The following SLC2A13 variants were observed in gnomAD, a reference collection of about 807,000 sequenced individuals.
SLC2A13 encodes solute carrier family 2 member 13.
In SLC2A13, 32 loss-of-function variants were observed where a neutral mutation model predicts 64.4. The observed-to-expected ratio is 0.50, with a 90% confidence interval of 0.37 to 0.67. SLC2A13 has a LOEUF of 0.67. Ranked by LOEUF, SLC2A13 falls within the 30% of genes least tolerant of loss-of-function variation. The probability of loss-of-function intolerance (pLI) is 0.00; values close to 1 mark genes in which losing one functional copy is unlikely to be tolerated. For synonymous variants in SLC2A13, 338 were observed against 327.1 expected (o/e 1.03, Z -0.36); for missense variants, 743 against 829.2 (o/e 0.90, Z 1.28).
intron 3 of SLC2A13, among the ~76,000 whole-genome samples, chr12:40,004,336 C>T (rs974349810): frequency 1.3e-5 from 2 of 152,046 alleles, no homozygotes; most frequent in African/African-American, 4.8e-5. Flanking sequence ...AGGAATGTGC[C>T]ACCATGCCTG....
intron 4 of SLC2A13, among the ~76,000 whole-genome samples, chr12:39,930,030 C>T (rs1445441821): frequency 6.6e-6 from 1 of 151,448 alleles, no homozygotes; most frequent in Non-Finnish European, 1.5e-5. Flanking sequence ...ACTCAGGAGG[C>T]TGAGGCAGGA....
rs1215258257 is a variant in SLC2A13, at chr12:39,798,072, T to C, written c.1445+32031A>G. On this transcript the variant is annotated intron_variant, in intron 7 of 9. Transcript: ENST00000280871. ...GGTGTCTGTCAGTCTCTTTCTTGGA[T>C]CATTCACTTTGGAGGAAGCTAGCTA... 2.6e-5 allele frequency among the ~76,000 whole-genome samples: 4 copies of C among 152,144 alleles called. No individual in the cohort carries two copies. In the East Asian group the frequency reaches 7.7e-4, roughly 29 times the overall value.
At chr12:39,988,163 G>A (rs988501028) in intron 3 of SLC2A13, among the ~76,000 whole-genome samples, 4 of 152,072 alleles carry the variant, frequency 2.6e-5, no homozygotes, top group South Asian at 2.1e-4. Flanking sequence ...ATGCAAAAAT[G>A]CTGGGCCGAA....
chr12:39,881,338 AC>A (rs1483562987), intron 4 of SLC2A13, among the ~76,000 whole-genome samples: 3 of 152,092 alleles, frequency 2.0e-5, no homozygotes, highest in Admixed American at 1.3e-4. Flanking sequence ...TAAAAAAAAA[AC>A]AATCTGGAAA....
intron 4 of SLC2A13, among the ~76,000 whole-genome samples, chr12:39,901,807 A>G (rs1193702743): frequency 4.2e-5 from 6 of 142,296 alleles, no homozygotes; most frequent in African/African-American, 1.1e-4. Context: ...ATCTAGAACT[A>G]GAAATACCAT....
intron 7 of SLC2A13, among the ~76,000 whole-genome samples, chr12:39,822,137 T>C (rs1406407572): frequency 1.4e-5 from 2 of 146,914 alleles, no homozygotes; most frequent in African/African-American, 5.0e-5. Flanking sequence ...TTCTCATTGT[T>C]CAATTCCCAC....
chr12:40,065,789 A>G (rs973677633), intron 1 of SLC2A13, among the ~76,000 whole-genome samples: 2 of 152,196 alleles, frequency 1.3e-5, no homozygotes, highest in Middle Eastern at 3.2e-3. Flanking sequence ...CTAAACAATA[A>G]TTTCTTAAAT....
intron 7 of SLC2A13, among the ~76,000 whole-genome samples, chr12:39,771,164 C>T (rs1566768146): frequency 6.6e-6 from 1 of 152,178 alleles, no homozygotes; most frequent in Non-Finnish European, 1.5e-5. Context: ...TCACCTGCCT[C>T]TGCCTCTGCG....
intron 4 of SLC2A13, among the ~76,000 whole-genome samples, chr12:39,941,048 C>CT (rs1331059946): frequency 6.6e-6 from 1 of 151,838 alleles, no homozygotes; most frequent in Admixed American, 6.6e-5. Context: ...TAATTAATTC[C>CT]TTTTTATAGC....
chr12:39,819,582 T>A (rs555354453), intron 7 of SLC2A13, among the ~76,000 whole-genome samples: 1 of 152,298 alleles, frequency 6.6e-6, no homozygotes, highest in African/African-American at 2.4e-5. Flanking sequence ...CAAATGTCCT[T>A]GACACTAAGC....
intron 6 of SLC2A13, among the ~76,000 whole-genome samples, chr12:39,850,154 T>G (rs886753736): frequency 2.0e-5 from 3 of 152,110 alleles, no homozygotes; most frequent in Admixed American, 6.6e-5. Context: ...CCTTCCACAA[T>G]AATAAAGGAG....
intron 3 of SLC2A13, among the ~76,000 whole-genome samples, chr12:39,987,994 A>G (rs1169209731): frequency 6.6e-6 from 1 of 152,166 alleles, no homozygotes; most frequent in African/African-American, 2.4e-5. Context: ...ATCACTATTA[A>G]TTCTTTGCCT....
intron 6 of SLC2A13, among the ~76,000 whole-genome samples, chr12:39,834,793 T>G (rs1298945368): frequency 2.0e-5 from 3 of 152,102 alleles, no homozygotes; most frequent in Non-Finnish European, 4.4e-5. Flanking sequence ...TCATATAGAC[T>G]ATTTTATGGC....
In SLC2A13 at chr12:40,099,913, T is replaced by C. The variant is rs566581983; in HGVS notation, c.556+5340A>G. On this transcript the variant is annotated intron_variant, in intron 1 of 9. Coordinates refer to ENST00000280871, the MANE Select transcript of SLC2A13 (RefSeq NM_052885.4). ...TGGGGAGTAGTGGAAAAAAAAAAAATTTGAGCACCTCCCCCCAAAACTGTA... is the reference window on the plus strand; with the variant it reads ...TGGGGAGTAGTGGAAAAAAAAAAAACTTGAGCACCTCCCCCCAAAACTGTA... 9.2e-4 allele frequency among the ~76,000 whole-genome samples: 139 copies of C among 151,562 alleles called. 1 individual carries two copies. Among genetic ancestry groups the C allele is most frequent in the African/African-American group, 3.1e-3 (128 of 41,332 alleles).
At chr12:39,812,215 G>A (rs1190959183) in intron 7 of SLC2A13, among the ~76,000 whole-genome samples, 1 of 152,090 alleles carries the variant, frequency 6.6e-6, no homozygotes, top group Non-Finnish European at 1.5e-5. Flanking sequence ...GAATGGAAGA[G>A]GGAATCTATC....
At chr12:40,005,509 T>C (rs1401364684) in intron 3 of SLC2A13, among the ~76,000 whole-genome samples, 1 of 152,040 alleles carries the variant, frequency 6.6e-6, no homozygotes, top group East Asian at 1.9e-4. Context: ...CCTAAATCAG[T>C]GGTTCTCAAA....
At chr12:39,821,125 C>CA (rs1301629315) in intron 7 of SLC2A13, among the ~76,000 whole-genome samples, 4 of 151,818 alleles carry the variant, frequency 2.6e-5, no homozygotes, top group Admixed American at 6.6e-5. Context: ...TTTTATAACT[C>CA]AAAAAAAATT....
intron 6 of SLC2A13, among the ~76,000 whole-genome samples, chr12:39,857,613 A>T (rs547235521): frequency 6.6e-6 from 1 of 152,324 alleles, no homozygotes; most frequent in African/African-American, 2.4e-5. Flanking sequence ...AGCCAGACTG[A>T]TCTTTTAAAA....
intron 3 of SLC2A13, among the ~76,000 whole-genome samples, chr12:40,013,761 C>T (rs1396230521): frequency 1.3e-5 from 2 of 152,170 alleles, no homozygotes; most frequent in South Asian, 2.1e-4. Flanking sequence ...CTTACGTGTG[C>T]GGCCCTACGC....
Sources: allele counts gnomAD v4.1 joint callset (sites outside exome capture counted in the v4.1 genomes callset), GRCh38; gene constraint gnomAD v4.1.1; transcripts MANE v1.5; gene names NCBI Gene and HGNC (gene_info 2026-07-23, HGNC 2026-07-21).